CTNNA2: variants seen among roughly 807,000 people sequenced by gnomAD.
The protein encoded by CTNNA2 is catenin alpha 2.
CTNNA2 carries 42 observed loss-of-function variants against 101.0 expected under a neutral mutation model. The observed-to-expected ratio is 0.42, with a 90% CI of 0.32 to 0.54. The LOEUF is 0.54. Among genes scored for constraint, CTNNA2 ranks in the 20% least tolerant of loss-of-function variants. CTNNA2 has a pLI of 0.14. For synonymous variants in CTNNA2, 450 were observed against 456.4 expected (o/e 0.99, Z 0.18); for missense variants, 871 against 1,223.1 (o/e 0.71, Z 4.29).
intron 2 of CTNNA2, among the ~76,000 whole-genome samples, chr2:79,246,837 T>G (rs1674706707): frequency 6.6e-6 from 1 of 152,240 alleles, no homozygotes; most frequent in Non-Finnish European, 1.5e-5. Context: ...CTTGCTAATT[T>G]CTGACTATTC....
intron 9 of CTNNA2, among the ~76,000 whole-genome samples, chr2:80,457,003 A>G (rs553152223): frequency 6.6e-6 from 1 of 152,242 alleles, no homozygotes; most frequent in Non-Finnish European, 1.5e-5. Flanking sequence ...TGTTTTCAAC[A>G]CGAAAGAATG....
chr2:80,360,598 A>T (rs2149316044), intron 7 of CTNNA2, among the ~76,000 whole-genome samples: 1 of 152,206 alleles, frequency 6.6e-6, no homozygotes, highest in South Asian at 2.1e-4. Flanking sequence ...CAATTGTTTT[A>T]TTAAAACTGT....
chr2:80,393,481 A>G (rs1677715142), intron 8 of CTNNA2, among the ~76,000 whole-genome samples, 190 bp downstream of exon 8: 1 of 152,200 alleles, frequency 6.6e-6, no homozygotes, highest in Non-Finnish European at 1.5e-5. Flanking sequence ...AGTTGCAAGC[A>G]AGGAGACAGT....
chr2:80,087,032 C>T (rs1699484074), intron 7 of CTNNA2, among the ~76,000 whole-genome samples: 1 of 151,950 alleles, frequency 6.6e-6, no homozygotes. Flanking sequence ...TCATGCATGC[C>T]CTAATCCTAT....
At chr2:80,169,153 G>A (rs1249693552) in intron 7 of CTNNA2, among the ~76,000 whole-genome samples, 2 of 152,182 alleles carry the variant, frequency 1.3e-5, no homozygotes, top group Non-Finnish European at 2.9e-5. Context: ...GGTTTGTGGG[G>A]CCTCTTGCCT....
intron 7 of CTNNA2, among the ~76,000 whole-genome samples, chr2:80,338,308 T>G (rs1164888491): frequency 6.6e-6 from 1 of 150,952 alleles, no homozygotes; most frequent in Non-Finnish European, 1.5e-5. Flanking sequence ...TTTTCTTTTT[T>G]TTTTTTTTTC....
chr2:79,872,445 A>G (rs2104043334), intron 5 of CTNNA2, among the ~76,000 whole-genome samples: 1 of 152,298 alleles, frequency 6.6e-6, no homozygotes, highest in South Asian at 2.1e-4. Context: ...TCTGACATTA[A>G]TAAAGGTTTT....
intron 4 of CTNNA2, among the ~76,000 whole-genome samples, chr2:79,489,682 C>A (rs1671190955): frequency 6.6e-6 from 1 of 152,128 alleles, no homozygotes; most frequent in Non-Finnish European, 1.5e-5. Flanking sequence ...TATTCTATTG[C>A]ATGAATGAAA....
intron 7 of CTNNA2, among the ~76,000 whole-genome samples, chr2:80,116,183 A>G (rs1486289195): frequency 6.6e-6 from 1 of 152,132 alleles, no homozygotes; most frequent in African/African-American, 2.4e-5. Context: ...CTACATAAAC[A>G]AGTGGGTATA....
intron 7 of CTNNA2, among the ~76,000 whole-genome samples, chr2:80,280,402 G>T (rs1674281583): frequency 6.6e-6 from 1 of 151,474 alleles, no homozygotes; most frequent in Non-Finnish European, 1.5e-5. Flanking sequence ...GCCTTAGATA[G>T]GTAATACAGC....
chr2:80,400,412 A>T (rs1227434926), intron 8 of CTNNA2, among the ~76,000 whole-genome samples: 1 of 152,076 alleles, frequency 6.6e-6, no homozygotes, highest in African/African-American at 2.4e-5. Flanking sequence ...GGATGTCCTC[A>T]TATTGTGCCT....
At chr2:79,711,576 T>G (rs1321165111) in intron 2 of CTNNA2, among the ~76,000 whole-genome samples, 1 of 152,182 alleles carries the variant, frequency 6.6e-6, no homozygotes, top group Non-Finnish European at 1.5e-5. Context: ...TTTTTTCTCA[T>G]TTTGTTGCAA....
chr2:79,879,004 G>T (rs1170439250), intron 6 of CTNNA2, among the ~76,000 whole-genome samples: 1 of 152,176 alleles, frequency 6.6e-6, no homozygotes, highest in African/African-American at 2.4e-5. Context: ...TGCATAAGGT[G>T]TAAGGAAGGG....
intron 7 of CTNNA2, among the ~76,000 whole-genome samples, chr2:80,356,706 C>A (rs765380532): frequency 2.6e-5 from 4 of 152,160 alleles, no homozygotes; most frequent in African/African-American, 4.8e-5. Flanking sequence ...TTGCAGCCAT[C>A]ATTAATCTCA....
At chr2:79,498,517 G>A (rs60296843) in intron 4 of CTNNA2, among the ~76,000 whole-genome samples, 1,590 of 152,050 alleles carry the variant, frequency 0.01, 11 homozygotes, top group East Asian at 0.034. Flanking sequence ...CATTTTCTTC[G>A]CAACAAGCTT....
chr2:79,742,800 T>C (rs796246286), intron 2 of CTNNA2, among the ~76,000 whole-genome samples: 23 of 152,334 alleles, frequency 1.5e-4, no homozygotes, highest in African/African-American at 5.5e-4. Context: ...AATGGCCTTA[T>C]AGAATCTTTC....
chr2:79,192,154 G>A (rs1311784469), intron 1 of CTNNA2, among the ~76,000 whole-genome samples: 1 of 152,032 alleles, frequency 6.6e-6, no homozygotes, highest in Non-Finnish European at 1.5e-5. Flanking sequence ...GAGGGAGGGG[G>A]TGTAACGAGG....
chr2:79,810,526 CT>C lies in CTNNA2; in HGVS notation c.299-47474del, dbSNP rs58252886. ...GCCTTTTCACCTTTTCTTTTCTTTT[CT>C]TTTTTTTTTTTTGTTATACTTTAAG... is the stretch of plus-strand genomic sequence containing the variant. On this transcript the variant is annotated intron_variant, in intron 3 of 18. Coordinates refer to ENST00000402739, the MANE Select transcript of CTNNA2 (RefSeq NM_001282597.3). Among the ~76,000 whole-genome samples the C allele has an allele frequency of 8.7e-3, 1,251 of 143,030 alleles. 2 individuals are homozygous for C. The highest frequency in any genetic ancestry group is 0.015 in the Admixed American group (221 of 14,326). 93.8% of individuals were successfully genotyped at this position (143,030 alleles called of 152,430 possible).
chr2:80,454,100 A>G (rs17019198), intron 9 of CTNNA2, among the ~76,000 whole-genome samples: 12,604 of 152,230 alleles, frequency 0.083, 1,563 homozygotes, highest in African/African-American at 0.27. Flanking sequence ...TCCAACTATC[A>G]AGGGAGGCTG....
Sources: gnomAD v4.1 joint callset for allele counts (sites outside exome capture counted in the v4.1 genomes callset) on GRCh38, gnomAD v4.1.1 for gene constraint, MANE v1.5 for transcripts, NCBI Gene and HGNC (gene_info 2026-07-23, HGNC 2026-07-21) for gene names.